Variants in APP observed in about 807,000 individuals in gnomAD.
APP encodes the protein amyloid beta precursor protein.
Under a neutral mutation model 101.4 loss-of-function variants are expected in APP, and 31 were observed. That is an observed-to-expected ratio of 0.31 (90% CI 0.23 to 0.41). The LOEUF (loss-of-function observed/expected upper bound fraction) is 0.41. Ranked by LOEUF, APP falls within the 10% of genes least tolerant of loss-of-function variation. The probability of loss-of-function intolerance (pLI) is 1.00; values close to 1 mark genes in which losing one functional copy is unlikely to be tolerated. For synonymous variants in APP, 366 were observed against 364.4 expected (o/e 1.00, Z -0.05); for missense variants, 839 against 1,003.7 (o/e 0.84, Z 2.22).
intron 13 of APP, chr21:25,933,975 C>T (rs1477563829): frequency 6.6e-6 from 1 of 152,170 alleles, no homozygotes; most frequent in African/African-American, 2.4e-5. Flanking sequence ...CTAATGCCTA[C>T]ACCTAAGAAT....
At chr21:26,020,355 T>C (rs887465583) in intron 6 of APP, among the ~76,000 whole-genome samples, 3 of 152,166 alleles carry the variant, frequency 2.0e-5, no homozygotes, top group South Asian at 2.1e-4. Flanking sequence ...GATTAGATTA[T>C]GGTGATAGTT....
intron 6 of APP, among the ~76,000 whole-genome samples, chr21:26,009,152 AAAG>A (rs1291805418): frequency 6.6e-6 from 1 of 152,244 alleles, no homozygotes; most frequent in Non-Finnish European, 1.5e-5. Flanking sequence ...TCATTTTCCA[AAAG>A]AAGTAGTTAG....
chr21:26,125,220 G>C (rs925628601), intron 1 of APP, among the ~76,000 whole-genome samples: 1 of 152,190 alleles, frequency 6.6e-6, no homozygotes, highest in Non-Finnish European at 1.5e-5. Context: ...TCCAAAGCAA[G>C]CAAGAGCAGC....
At chr21:25,901,348 T>C (rs1321790396) in intron 15 of APP, among the ~76,000 whole-genome samples, 1 of 145,912 alleles carries the variant, frequency 6.9e-6, no homozygotes, top group African/African-American at 2.5e-5. Context: ...CTAAAAACTT[T>C]ACAAGCCCAC....
intron 1 of APP, among the ~76,000 whole-genome samples, chr21:26,144,459 G>A (rs1288391687): frequency 6.6e-6 from 1 of 152,004 alleles, no homozygotes; most frequent in Non-Finnish European, 1.5e-5. Flanking sequence ...GCCTATTACT[G>A]CACAAACATT....
At chr21:25,924,463 G>A (rs1444154101) in intron 13 of APP, among the ~76,000 whole-genome samples, 1 of 124,802 alleles carries the variant, frequency 8.0e-6, no homozygotes, top group Admixed American at 8.7e-5. Flanking sequence ...GTCCTTTGCA[G>A]GGCCATGGAT....
intron 1 of APP, among the ~76,000 whole-genome samples, chr21:26,142,305 CCTCA>C (rs1486538707): frequency 6.6e-6 from 1 of 152,142 alleles, no homozygotes; most frequent in Non-Finnish European, 1.5e-5. Flanking sequence ...ACCACACAGC[CCTCA>C]CTCGATCTTT....
intron 15 of APP, among the ~76,000 whole-genome samples, chr21:25,900,330 T>C (rs996336838): frequency 2.3e-4 from 32 of 137,716 alleles, no homozygotes; most frequent in Non-Finnish European, 4.2e-4. Flanking sequence ...GTCAGGAGTT[T>C]GAGACCAGCC....
intron 2 of APP, among the ~76,000 whole-genome samples, chr21:26,100,778 G>A (rs2062037589): frequency 6.6e-6 from 1 of 152,160 alleles, no homozygotes; most frequent in African/African-American, 2.4e-5. Context: ...AAGCCAGAAG[G>A]TTAAAAAGGC....
intron 13 of APP, among the ~76,000 whole-genome samples, chr21:25,947,706 T>C (rs7278750): frequency 0.05 from 7,664 of 152,160 alleles, 634 homozygotes; most frequent in African/African-American, 0.17. Context: ...GTTGATAATA[T>C]GTATAAATGT....
At chr21:26,128,540 GC>G (rs1307223204) in intron 1 of APP, among the ~76,000 whole-genome samples, 1 of 152,074 alleles carries the variant, frequency 6.6e-6, no homozygotes, top group Non-Finnish European at 1.5e-5. Flanking sequence ...ACTCAAAATG[GC>G]CCAGTGAGGT....
intron 6 of APP, among the ~76,000 whole-genome samples, chr21:26,005,538 T>G (rs1241752934): frequency 6.6e-6 from 1 of 152,204 alleles, no homozygotes; most frequent in East Asian, 1.9e-4. Context: ...TGAGAAAATT[T>G]CCTTTACATC....
Position 25,988,702 on chromosome 21 carries a change from C to CAAAAAAAAAAAAAAAAAAAAAAAAAAA in APP, c.1091-6226_1091-6225insTTTTTTTTTTTTTTTTTTTTTTTTTTT, listed in dbSNP as rs537417600. Among the ~76,000 whole-genome samples, 13 of 62,364 alleles carry CAAAAAAAAAAAAAAAAAAAAAAAAAAA rather than the reference C, an allele frequency of 2.1e-4. 2 individuals carry two copies. Among genetic ancestry groups the CAAAAAAAAAAAAAAAAAAAAAAAAAAA allele is most frequent in the African/African-American group, 8.3e-4 (13 of 15,592 alleles). 40.9% of individuals were successfully genotyped at this position (62,364 alleles called of 152,430 possible). A position where few individuals can be genotyped will look rare whatever the true frequency, so the allele number is the denominator to read the frequency against. Reference sequence around the variant, plus strand: ...GGGTGATAACAGCGAAACTCTGTCTCAAAAAAAAAAAAAAAAAAAAAGGAG... The same window carrying CAAAAAAAAAAAAAAAAAAAAAAAAAAA: ...GGGTGATAACAGCGAAACTCTGTCTCAAAAAAAAAAAAAAAAAAAAAAAAAAAAAAAAAAAAAAAAAAAAAAAAGGAG... On this transcript the variant is annotated intron_variant, in intron 8 of 17. Transcript: ENST00000346798.
intron 6 of APP, among the ~76,000 whole-genome samples, chr21:26,012,417 T>C (rs2043848843): frequency 6.6e-6 from 1 of 152,180 alleles, no homozygotes; most frequent in Non-Finnish European, 1.5e-5. Context: ...CATTCATTCT[T>C]GCCTCCCCTT....
intron 13 of APP, among the ~76,000 whole-genome samples, chr21:25,916,437 C>T (rs1202491649): frequency 2.0e-5 from 3 of 152,192 alleles, no homozygotes; most frequent in Non-Finnish European, 4.4e-5. Flanking sequence ...AGGATTTTAC[C>T]AGTGGCTTAC....
chr21:25,899,618 C>T (rs923973296), intron 15 of APP, among the ~76,000 whole-genome samples: 7 of 152,198 alleles, frequency 4.6e-5, no homozygotes, highest in African/African-American at 1.7e-4. Flanking sequence ...AACAGACCCA[C>T]CAGGTCCAAT....
intron 15 of APP, among the ~76,000 whole-genome samples, chr21:25,900,344 T>C (rs960820272): frequency 2.6e-4 from 31 of 121,506 alleles, no homozygotes; most frequent in Non-Finnish European, 4.5e-4. Flanking sequence ...ACCAGCCTGG[T>C]CAACATGGTG....
At chr21:26,103,857 C>T (rs1291117771) in intron 2 of APP, among the ~76,000 whole-genome samples, 1 of 152,208 alleles carries the variant, frequency 6.6e-6, no homozygotes, top group Non-Finnish European at 1.5e-5. Context: ...TGTTAATTCT[C>T]ACAACACTTT....
chr21:26,071,818 T>G (rs889680051), intron 3 of APP, among the ~76,000 whole-genome samples: 3 of 152,212 alleles, frequency 2.0e-5, no homozygotes, highest in African/African-American at 7.2e-5. Flanking sequence ...GGCTGTAGGA[T>G]CTTCATTCTC....
Sources: gnomAD v4.1 joint callset for allele counts (sites outside exome capture counted in the v4.1 genomes callset) on GRCh38, gnomAD v4.1.1 for gene constraint, MANE v1.5 for transcripts, NCBI Gene and HGNC (gene_info 2026-07-23, HGNC 2026-07-21) for gene names.